Variants in NAT16 observed in about 807,000 individuals in gnomAD.
NAT16 encodes N-acetyltransferase 16 (putative), also known as probable N-acetyltransferase 16.
A neutral mutation model predicts 15.9 loss-of-function variants in NAT16; 16 were observed. The observed-to-expected ratio is 1.01, with a 90% confidence interval of 0.68 to 1.53. The LOEUF (loss-of-function observed/expected upper bound fraction) is 1.53. Among genes scored for constraint, NAT16 ranks in the 40% most tolerant of loss-of-function variants. The pLI, the probability that NAT16 is intolerant of heterozygous loss-of-function variation, is 0.00. For missense variants in NAT16, 572 were observed against 508.4 expected (o/e 1.13, Z -1.20); for synonymous variants, 260 against 241.9 (o/e 1.07, Z -0.69).
chr7:101,174,618 C>CA lies in NAT16; in HGVS notation c.189dup (p.Glu64Ter). On this transcript the variant is annotated frameshift_variant, in exon 2 of 4. Transcript: ENST00000300303. LOFTEE classifies it high-confidence loss of function. Reference sequence around the variant, plus strand: ...CCCCCCGAGATGGCCAGCACTTCCTCAAACTCCCGTTCCGTGGCCACCACG... The same window carrying CA: ...CCCCCCGAGATGGCCAGCACTTCCTCAAAACTCCCGTTCCGTGGCCACCACG... 1 of 1,614,218 alleles carries CA rather than the reference C, an allele frequency of 6.2e-7. No individual in the cohort carries two copies. The highest frequency in any genetic ancestry group is 8.5e-7 in the Non-Finnish European group (1 of 1,180,050).
chr7:101,174,349 C>A lies in NAT16; in HGVS notation c.312+147G>T, dbSNP rs935850087. Reference sequence around the variant, plus strand: ...ACATAGCCCCTGGATCCGCACTGCACGCCCTGCACTTTGGTCCCAAAGCAG... The same window carrying A: ...ACATAGCCCCTGGATCCGCACTGCAAGCCCTGCACTTTGGTCCCAAAGCAG... On this transcript the variant is annotated intron_variant, in intron 2 of 3. Coordinates refer to ENST00000300303, the MANE Select transcript of NAT16 (RefSeq NM_198571.3). 3 of 1,082,470 alleles carry A rather than the reference C, an allele frequency of 2.8e-6. No individual in the cohort carries two copies. In the South Asian group the frequency reaches 5.0e-5, roughly 18 times the overall value. The allele number at this position is 1,082,470 out of a possible 1,614,324, so 67.1% of individuals were successfully genotyped here. A position where few individuals can be genotyped will look rare whatever the true frequency, so the allele number is the denominator to read the frequency against.
intron 1 of NAT16, among the ~76,000 whole-genome samples, chr7:101,179,631 G>C (rs1458915124): frequency 1.3e-5 from 2 of 148,878 alleles, no homozygotes; most frequent in African/African-American, 4.9e-5. Context: ...CAGCCAAAGG[G>C]GGTGGGGGGA....
intron 1 of NAT16, among the ~76,000 whole-genome samples, chr7:101,175,625 A>T (rs1044948391): frequency 7.2e-5 from 9 of 124,298 alleles, no homozygotes; most frequent in East Asian, 3.3e-4. Flanking sequence ...GGGTAGTTTT[A>T]AAAAAAAAAA....
chr7:101,173,571 A>C (rs569916836), intron 2 of NAT16, 51 bp from the exon 3 acceptor site: 48 of 1,458,678 alleles, frequency 3.3e-5, no homozygotes, highest in Non-Finnish European at 3.7e-5. Flanking sequence ...CGCCCCTGCC[A>C]GGGCTGTCGG....
At position 101,173,534 on chromosome 7, in the gene NAT16, C is replaced by G. The variant is rs756878719; in HGVS notation, c.313-14G>C. 6.4e-7 allele frequency: 1 copy of G among 1,560,640 alleles called. No homozygotes were observed. The highest frequency in any genetic ancestry group is 1.4e-5 in the African/African-American group (1 of 73,670). On this transcript the variant is annotated splice_polypyrimidine_tract_variant and intron_variant, in intron 2 of 3. Transcript: ENST00000300303. ...CTCCAGCGCGATCTGCGGACCGAGG[C>G]CGTTAGCGCGGGGCCCTCCCCGCCT...
Position 101,174,693 on chromosome 7 carries a change from C to T in NAT16, c.115G>A (p.Glu39Lys), listed in dbSNP as rs1239697931. ...TCAGGCCCCGATCCCGACCTGGGCTCGGCCTCCACCTCCTGTGGCCGGGTT... is the reference window on the plus strand; with the variant it reads ...TCAGGCCCCGATCCCGACCTGGGCTTGGCCTCCACCTCCTGTGGCCGGGTT... ...SETRPQEVEA[E>K]PRSGSGPEAE... The change falls in exon 2 of 4, where the codon GAG becomes AAG. Residue 39 changes from glutamate (E) to lysine (K), a missense_variant. Transcript: ENST00000300303. The T allele has an allele frequency of 6.2e-7, 1 of 1,613,546 alleles. No individual in the cohort carries two copies. The highest frequency in any genetic ancestry group is 8.5e-7 in the Non-Finnish European group (1 of 1,180,004).
At chr7:101,174,401 A>G (rs1797417409) in intron 2 of NAT16, 95 bp downstream of exon 2, 4 of 1,423,574 alleles carry the variant, frequency 2.8e-6, no homozygotes, top group Non-Finnish European at 3.7e-6. Flanking sequence ...CTCCAGAGGA[A>G]GGCTGGGGAG....
rs1797317787 is a variant in NAT16, at chr7:101,171,394, T to C, written c.*685A>G. 6.6e-6 allele frequency: 1 copy of C among 152,458 alleles called. No homozygotes were observed. The highest frequency in any genetic ancestry group is 1.5e-5 in the Non-Finnish European group (1 of 68,168). The allele number at this position is 152,458 out of a possible 1,614,324, so 9.4% of individuals were successfully genotyped here. A position where few individuals can be genotyped will look rare whatever the true frequency, so the allele number is the denominator to read the frequency against. ...CTCTCTCTCTCTCTGGATTGCACAC[T>C]GGGCTGGTGATGGGAAGGAAAACAG... On this transcript the variant is annotated 3_prime_UTR_variant, in exon 4 of 4. Coordinates refer to ENST00000300303, the MANE Select transcript of NAT16 (RefSeq NM_198571.3).
rs779964441 is a variant in NAT16 at position 101,174,540 on chromosome 7, C to T, written c.268G>A (p.Asp90Asn). 1.2e-6 allele frequency: 2 copies of T among 1,613,928 alleles called. No homozygotes were observed. Among genetic ancestry groups the T allele is most frequent in the Non-Finnish European group, 1.7e-6 (2 of 1,179,906 alleles). Residue 90 changes from aspartate to asparagine, a missense_variant, in exon 2 of 4, where the codon GAC becomes AAC. By Grantham distance (23) the Asp-to-Asn change is conservative (BLOSUM62 1). Coordinates refer to ENST00000300303, the MANE Select transcript of NAT16 (RefSeq NM_198571.3). ...GCCAGCACCACCGTGCGGTCGGGGT[C>T]CCGGAGCCAGCTGTGGTAGCGGCTA... Reference protein sequence around the residue: ...LPSRYHSWLRDPDRTVVLAKR... With the variant: ...LPSRYHSWLRNPDRTVVLAKR...
chr7:101,171,935 G>T lies in NAT16; in HGVS notation c.*144C>A, dbSNP rs1388068116. On this transcript the variant is annotated 3_prime_UTR_variant, in exon 4 of 4. Coordinates refer to ENST00000300303, the MANE Select transcript of NAT16 (RefSeq NM_198571.3). ...AAGGGCAAAAGGGACAGAGTGGGGG[G>T]ACCTGCGCCGGTAAGGGCAGGAGGG... 1 of 621,506 alleles carries T rather than the reference G, an allele frequency of 1.6e-6. No individual in the cohort carries two copies. Among genetic ancestry groups the T allele is most frequent in the East Asian group, 2.8e-5 (1 of 35,588 alleles). 38.5% of individuals were successfully genotyped at this position (621,506 alleles called of 1,614,324 possible). A position where few individuals can be genotyped will look rare whatever the true frequency, so the allele number is the denominator to read the frequency against.
In NAT16 at chr7:101,172,540, A is replaced by G; in HGVS notation, c.649T>C (p.Ser217Pro). The G allele has an allele frequency of 2.6e-6, 4 of 1,567,750 alleles. No homozygotes were observed. Among genetic ancestry groups the G allele is most frequent in the Non-Finnish European group, 2.6e-6 (3 of 1,165,116 alleles). Residue 217 changes from serine to proline, a missense_variant, in exon 4 of 4, where the codon TCC (serine) becomes CCC (proline). Physicochemically the swap from Ser to Pro is moderately conservative, Grantham distance 74 (BLOSUM62 -1). Transcript: ENST00000300303. This position sits in a 1 kb window ranked among gnomAD's most constrained non-coding sequence, Gnocchi z 4.2. ...CGTGCCACGTCGCCGCCTGCCTCGG[A>G]CACGGCCTCGGTGGGCAGCGGCGAG... ...TFSPLPTEAV[S>P]EAGGDVARLL...
At chr7:101,173,608 G>A in intron 2 of NAT16, 88 bp from the exon 3 acceptor site, 1 of 1,217,230 alleles carries the variant, frequency 8.2e-7, no homozygotes, top group Non-Finnish European at 1.1e-6. Context: ...CTTCCCACAC[G>A]CTGAGCACTC....
rs1200780392 is a variant in NAT16, at chr7:101,173,372, AC to A, written c.460del (p.Val154SerfsTer17). The A allele has an allele frequency of 6.8e-6, 11 of 1,613,626 alleles. No individual in the cohort carries two copies. Among genetic ancestry groups the A allele is most frequent in the African/African-American group, 2.7e-5 (2 of 74,796 alleles). On this transcript the variant is annotated frameshift_variant, in exon 3 of 4. Coordinates refer to ENST00000300303, the MANE Select transcript of NAT16 (RefSeq NM_198571.3). LOFTEE classifies it high-confidence loss of function. ...SQLVKRQHPG[V>X]KVARLTRDDQ... ...GTCCCGGGTGAGCCGTGCCACCTTGACCCCCGGGTGCTGTCTCTTGACCAGC... is the reference window on the plus strand; with the variant it reads ...GTCCCGGGTGAGCCGTGCCACCTTGACCCCGGGTGCTGTCTCTTGACCAGC...
intron 1 of NAT16, among the ~76,000 whole-genome samples, chr7:101,179,472 G>T (rs1297096539): frequency 6.6e-6 from 1 of 151,502 alleles, no homozygotes; most frequent in Non-Finnish European, 1.5e-5. Flanking sequence ...GCGGGGATCC[G>T]TGGAGGGGAA....
rs1383606598 is a variant in NAT16 at position 101,170,810 on chromosome 7, C to A, written c.*1269G>T. The A allele has an allele frequency of 6.6e-6, 1 of 152,292 alleles. No homozygotes were observed. Among genetic ancestry groups the A allele is most frequent in the Non-Finnish European group, 1.5e-5 (1 of 68,068 alleles). 9.4% of individuals were successfully genotyped at this position (152,292 alleles called of 1,614,324 possible). ...CATCCCACAGAGTGAAGTTCTAGGT[C>A]ATGCTCTAGGCTTGGGACACCCGGG... On this transcript the variant is annotated 3_prime_UTR_variant, in exon 4 of 4. Coordinates refer to ENST00000300303, the MANE Select transcript of NAT16 (RefSeq NM_198571.3).
chr7:101,174,213 C>T, intron 2 of NAT16: 1 of 515,738 alleles, frequency 1.9e-6, no homozygotes, highest in Non-Finnish European at 3.4e-6. Context: ...CTGCTCCCCA[C>T]CTCCTTTGCT....
At position 101,173,253 on chromosome 7, in the gene NAT16, C is replaced by T. The variant is rs377525040; in HGVS notation, c.537+43G>A. ...GGTGGGGAGGGTCTCCCCATATGCC[C>T]CAGCAGAGAGGCCCAGCCATCCGAG... On this transcript the variant is annotated intron_variant, in intron 3 of 3. Transcript: ENST00000300303. The T allele has an allele frequency of 1.3e-5, 20 of 1,558,190 alleles. No homozygotes were observed. In the South Asian group the frequency reaches 2.2e-4, roughly 17 times the overall value.
In NAT16 at chr7:101,171,942, G is replaced by A. The variant is rs926591689; in HGVS notation, c.*137C>T. ...AAAGGGACAGAGTGGGGGGACCTGC[G>A]CCGGTAAGGGCAGGAGGGCAGGAGT... On this transcript the variant is annotated 3_prime_UTR_variant, in exon 4 of 4. Coordinates refer to ENST00000300303, the MANE Select transcript of NAT16 (RefSeq NM_198571.3). 4 of 631,728 alleles carry A rather than the reference G, an allele frequency of 6.3e-6. No homozygotes were observed. The highest frequency in any genetic ancestry group is 2.9e-5 in the Admixed American group (1 of 33,946). 39.1% of individuals were successfully genotyped at this position (631,728 alleles called of 1,614,324 possible).
chr7:101,178,043 A>G (rs190217874), intron 1 of NAT16, among the ~76,000 whole-genome samples: 10 of 152,302 alleles, frequency 6.6e-5, no homozygotes, highest in Admixed American at 2.0e-4. Context: ...CAAAGGTGAT[A>G]AGTTGTGAGC....
Sources: allele counts gnomAD v4.1 joint callset (sites outside exome capture counted in the v4.1 genomes callset), GRCh38; gene constraint gnomAD v4.1.1; non-coding constraint Gnocchi (gnomAD v3.1); transcripts MANE v1.5; gene names NCBI Gene and HGNC (gene_info 2026-07-23, HGNC 2026-07-21).